The following SI variants were observed in gnomAD, a reference collection of about 807,000 sequenced individuals.
SI encodes the protein sucrase-isomaltase, intestinal.
SI carries 235 observed loss-of-function variants against 253.3 expected under a neutral mutation model. The observed-to-expected ratio is 0.93, with a 90% CI of 0.83 to 1.03. SI has a LOEUF of 1.03. Among genes scored for constraint, SI ranks in the 50% least tolerant of loss-of-function variants. The pLI is 0.00. For missense variants in SI, 2,442 were observed against 2,211.1 expected (o/e 1.10, Z -2.09); for synonymous variants, 819 against 712.0 (o/e 1.15, Z -2.39).
At chr3:164,984,576 A>C (rs924337274) in intron 45 of SI, among the ~76,000 whole-genome samples, 35 of 152,246 alleles carry the variant, frequency 2.3e-4, no homozygotes, top group African/African-American at 8.2e-4. Flanking sequence ...AAGAGGAAGA[A>C]AGATCTCACA....
At chr3:165,049,495 G>A (rs184874396) in intron 14 of SI, among the ~76,000 whole-genome samples, 2 of 151,950 alleles carry the variant, frequency 1.3e-5, no homozygotes, top group East Asian at 1.9e-4. Flanking sequence ...TCCTAACTTC[G>A]ATAACAAATA....
intron 31 of SI, 27 bp downstream of exon 31, chr3:165,017,521 A>T (rs1277319910): frequency 6.3e-7 from 1 of 1,599,906 alleles, no homozygotes; most frequent in African/African-American, 1.3e-5. Context: ...TCCATATTTA[A>T]CATTGTTTTA....
chr3:165,081,832 C>CTG (rs1055539931), upstream of SI, among the ~76,000 whole-genome samples: 1 of 151,746 alleles, frequency 6.6e-6, no homozygotes, highest in African/African-American at 2.4e-5. Flanking sequence ...AGGTTCCTGC[C>CTG]TGGGTCATAA....
rs754071803 is a variant in SI at position 165,032,677 on chromosome 3, C to A, written c.2581G>T (p.Val861Leu). The change falls in exon 24 of 48, where the codon GTG becomes TTG. Residue 861 changes from valine to leucine, a missense_variant. Physicochemically the swap from Val to Leu is conservative, Grantham distance 32. Transcript: ENST00000264382. ...TCCTGATATGATGAATGTGTGCACA[C>A]AATATCTAATGTGTTCTGAGAAAAA... ...FSVSNNTLDIVCTHSSYQEGT... is the reference protein window; with the variant it reads ...FSVSNNTLDILCTHSSYQEGT... 2.3e-5 allele frequency: 37 copies of A among 1,601,558 alleles called. No homozygotes were observed. The highest frequency in any genetic ancestry group is 3.2e-5 in the Non-Finnish European group (37 of 1,170,514).
chr3:165,070,296 T>C (rs913522819), intron 3 of SI, among the ~76,000 whole-genome samples: 20 of 26,082 alleles, frequency 7.7e-4, no homozygotes, highest in Admixed American at 2.5e-3. Context: ...CATATATAAT[T>C]ATATATGTAT....
intron 1 of SI, among the ~76,000 whole-genome samples, chr3:165,077,982 T>C (rs898594736): frequency 2.6e-5 from 4 of 151,656 alleles, no homozygotes; most frequent in Non-Finnish European, 4.4e-5. Flanking sequence ...AGATGAATAA[T>C]ACTTTATTGT....
chr3:165,023,701 A>G lies in SI; in HGVS notation c.2968T>C (p.Tyr990His). The G allele has an allele frequency of 3.1e-6, 5 of 1,610,972 alleles. No individual in the cohort carries two copies. The highest frequency in any genetic ancestry group is 4.2e-6 in the Non-Finnish European group (5 of 1,177,950). ...TCAGCTGTTATACCCATGGATGAAT[A>G]GCGAGCTGAGTTGACTGAATAAGAG... is the stretch of plus-strand genomic sequence containing the variant. ...DNSYSVNSAR[Y>H]SSMGITADLQ... The change falls in exon 26 of 48, where the codon TAT becomes CAT. Residue 990 changes from tyrosine to histidine, a missense_variant. Coordinates refer to ENST00000264382, the MANE Select transcript of SI (RefSeq NM_001041.4).
chr3:165,010,687 T>C (rs1197041703), intron 34 of SI, among the ~76,000 whole-genome samples: 1 of 152,170 alleles, frequency 6.6e-6, no homozygotes, highest in Admixed American at 6.5e-5. Flanking sequence ...CTTATTCTAT[T>C]AGCTGGCTGC....
chr3:164,990,415 G>T (rs1013103785), intron 44 of SI, among the ~76,000 whole-genome samples: 47 of 151,940 alleles, frequency 3.1e-4, no homozygotes, highest in African/African-American at 1.0e-3. Context: ...AGATCATAAA[G>T]GTTTCATTTA....
chr3:165,048,775 G>A (rs1008859039), intron 15 of SI, among the ~76,000 whole-genome samples: 11 of 151,498 alleles, frequency 7.3e-5, no homozygotes, highest in Non-Finnish European at 1.0e-4. Context: ...CTGCCACCTC[G>A]CCCAGCTAGA....
intron 6 of SI, 65 bp downstream of exon 6, chr3:165,067,275 A>C: frequency 8.2e-7 from 1 of 1,215,458 alleles, no homozygotes; most frequent in Non-Finnish European, 1.2e-6. Flanking sequence ...AATGTCTTGA[A>C]ATTAAGACTT....
At chr3:164,983,125 G>C in intron 45 of SI, 74 bp from the exon 46 acceptor site, 9 of 1,407,058 alleles carry the variant, frequency 6.4e-6, no homozygotes, top group Non-Finnish European at 8.8e-6. Context: ...TGTATACTTT[G>C]CTTCTCTTTC....
At chr3:165,036,110 A>G (rs1712515263) in intron 22 of SI, among the ~76,000 whole-genome samples, 1 of 151,848 alleles carries the variant, frequency 6.6e-6, no homozygotes. Context: ...CTGAGAATTT[A>G]TTGACTATTT....
intron 16 of SI, among the ~76,000 whole-genome samples, chr3:165,043,724 T>G (rs894265341): frequency 6.6e-6 from 1 of 152,048 alleles, no homozygotes; most frequent in African/African-American, 2.4e-5. Flanking sequence ...GTTTACCATT[T>G]ACAAACATTT....
chr3:164,992,839 A>C (rs954870472), intron 41 of SI, among the ~76,000 whole-genome samples: 4 of 152,014 alleles, frequency 2.6e-5, no homozygotes, highest in Non-Finnish European at 5.9e-5. Flanking sequence ...AACTCTCTAA[A>C]TAGTAGATTT....
chr3:165,081,430 T>C (rs1012068546), upstream of SI, among the ~76,000 whole-genome samples: 2 of 151,956 alleles, frequency 1.3e-5, no homozygotes, highest in Admixed American at 1.3e-4. Context: ...TTATGTACTT[T>C]GTCTCTGAAA....
At chr3:165,029,315 CT>C (rs1712095226) in intron 25 of SI, among the ~76,000 whole-genome samples, 1 of 150,648 alleles carries the variant, frequency 6.6e-6, no homozygotes. Context: ...AAAGGGGACA[CT>C]TCTACACTGA....
intron 43 of SI, 49 bp downstream of exon 43, chr3:164,992,128 A>G (rs1717779871): frequency 1.4e-6 from 2 of 1,463,468 alleles, no homozygotes; most frequent in Non-Finnish European, 1.9e-6. Context: ...GGGCCAAACA[A>G]TTACCCGTTT....
At chr3:165,052,929 T>A (rs1229733752) in intron 13 of SI, among the ~76,000 whole-genome samples, 1 of 151,942 alleles carries the variant, frequency 6.6e-6, no homozygotes, top group East Asian at 1.9e-4. Flanking sequence ...AATTTATGTT[T>A]CCAAATACTA....
Sources: gnomAD v4.1 joint callset for allele counts (sites outside exome capture counted in the v4.1 genomes callset) on GRCh38, gnomAD v4.1.1 for gene constraint, MANE v1.5 for transcripts, NCBI Gene and HGNC (gene_info 2026-07-23, HGNC 2026-07-21) for gene names.